The following RNF19A variants were observed in gnomAD, a reference collection of about 807,000 sequenced individuals.
The protein encoded by RNF19A is E3 ubiquitin-protein ligase RNF19A.
Under a neutral mutation model 75.7 loss-of-function variants are expected in RNF19A, and 32 were observed. That is an observed-to-expected ratio of 0.42 (90% CI 0.32 to 0.57). The LOEUF (loss-of-function observed/expected upper bound fraction) is 0.57, where lower values mean the gene tolerates loss of function less well. Ranked by LOEUF, RNF19A falls within the 20% of genes least tolerant of loss-of-function variation. The probability of loss-of-function intolerance (pLI) is 0.10; values close to 1 mark genes in which losing one functional copy is unlikely to be tolerated. For missense variants in RNF19A, 782 were observed against 1,036.3 expected (o/e 0.75, Z 3.37); for synonymous variants, 335 against 345.2 (o/e 0.97, Z 0.33).
At chr8:100,314,204 A>C (rs1044444660), upstream of RNF19A, among the ~76,000 whole-genome samples, 14 of 152,024 alleles carry the variant, frequency 9.2e-5, no homozygotes, top group African/African-American at 3.4e-4. This position sits in a 1 kb window ranked among gnomAD's most constrained non-coding sequence, Gnocchi z 4.1. Flanking sequence ...TATTGCATAC[A>C]TACTATATAT....
chr8:100,267,157 C>G (rs994257354), intron 5 of RNF19A, among the ~76,000 whole-genome samples: 1 of 152,164 alleles, frequency 6.6e-6, no homozygotes, highest in Non-Finnish European at 1.5e-5. Flanking sequence ...TCCCAAATAG[C>G]TACTGAAACT....
chr8:100,292,919 G>A (rs1028646588), intron 1 of RNF19A, among the ~76,000 whole-genome samples: 4 of 152,010 alleles, frequency 2.6e-5, no homozygotes, highest in Non-Finnish European at 5.9e-5. Flanking sequence ...CTTGTGCAGC[G>A]GTGCCCAAAC....
At chr8:100,262,593 A>G (rs996104164) in intron 7 of RNF19A, among the ~76,000 whole-genome samples, 2 of 152,168 alleles carry the variant, frequency 1.3e-5, no homozygotes, top group African/African-American at 4.8e-5. Flanking sequence ...CTTTTGGGCT[A>G]TGATAAGGAC....
At chr8:100,274,883 A>T in intron 3 of RNF19A, 70 bp downstream of exon 3, 1 of 1,264,880 alleles carries the variant, frequency 7.9e-7, no homozygotes, top group Non-Finnish European at 1.1e-6. Flanking sequence ...AGGAATACTT[A>T]ACTTTAAAAA....
chr8:100,304,663 T>C (rs908492521), intron 1 of RNF19A, among the ~76,000 whole-genome samples: 1 of 152,244 alleles, frequency 6.6e-6, no homozygotes, highest in Non-Finnish European at 1.5e-5. Flanking sequence ...GTTTAAAATC[T>C]GGTGCTCAAA....
rs185979011 is a variant in RNF19A, at chr8:100,277,907, T to C, written c.675-2746A>G. 5.3e-5 allele frequency among the ~76,000 whole-genome samples: 8 copies of C among 152,308 alleles called. No homozygotes were observed. The East Asian group carries it at 1.4e-3, about 26-fold the overall frequency. On this transcript the variant is annotated intron_variant, in intron 2 of 9. Coordinates refer to ENST00000341084, the MANE Select transcript of RNF19A (RefSeq NM_183419.4). Reference sequence around the variant, plus strand: ...CCAAACTTTTTCTCTACCTACCTTTTATTGAAGGAAGGAAGAAGGAAAGAG... The same window carrying C: ...CCAAACTTTTTCTCTACCTACCTTTCATTGAAGGAAGGAAGAAGGAAAGAG...
rs549069225 is a variant in RNF19A at position 100,326,280 on chromosome 8, A to T, written c.-243+9828T>A. ...AAAAATGCTGATTCAATTCTCTTTA[A>T]ATGCATACCACCTAACCTCAGTTTA... On this transcript the variant is annotated intron_variant, in intron 1 of 3. Coordinates refer to the RNF19A transcript ENST00000519527. 2.0e-5 allele frequency among the ~76,000 whole-genome samples: 3 copies of T among 152,100 alleles called. No homozygotes were observed. In the South Asian group the frequency reaches 6.2e-4, roughly 32 times the overall value.
intron 7 of RNF19A, among the ~76,000 whole-genome samples, chr8:100,263,686 T>TG (rs1289787272): frequency 6.6e-6 from 1 of 152,234 alleles, no homozygotes; most frequent in African/African-American, 2.4e-5. Flanking sequence ...AACATTGAGT[T>TG]GAAGATATTT....
chr8:100,315,779 G>A (rs1487305253), intron 1 of RNF19A, among the ~76,000 whole-genome samples: 1 of 152,176 alleles, frequency 6.6e-6, no homozygotes, highest in Non-Finnish European at 1.5e-5. Flanking sequence ...GAGTAGCTGG[G>A]ACTACAGGTG....
chr8:100,318,200 A>G (rs1053607127), intron 1 of RNF19A, among the ~76,000 whole-genome samples: 1 of 152,202 alleles, frequency 6.6e-6, no homozygotes, highest in East Asian at 1.9e-4. Context: ...TCCCTTGTTT[A>G]TTATCCCCAT....
rs547631774 is a variant in RNF19A, at chr8:100,274,995, G to A, written c.841C>T (p.Arg281Cys). The change falls in exon 3 of 10, where the codon CGT (arginine) becomes TGT (cysteine). Residue 281 changes from arginine (R) to cysteine (C), a missense_variant. Physicochemically the swap from Arg to Cys is radical, Grantham distance 180 (BLOSUM62 -3). Around this residue, in one of 7 missense-constraint regions of RNF19A, gnomAD observed 34 missense variants for 25.2 expected, o/e 1.35. Transcript: ENST00000341084. ...RAQSLRLRTI[R>C]SSSISYSQES... ...TGACTATAACTAATGGATGAAGAACGTATAGTTCTCAAACGTAAGCTCTGG... is the reference window on the plus strand; with the variant it reads ...TGACTATAACTAATGGATGAAGAACATATAGTTCTCAAACGTAAGCTCTGG... 6 of 1,614,060 alleles carry A rather than the reference G, an allele frequency of 3.7e-6. No homozygotes were observed. The highest frequency in any genetic ancestry group is 1.7e-5 in the Admixed American group (1 of 60,012).
chr8:100,300,980 G>A (rs146916635), intron 1 of RNF19A, among the ~76,000 whole-genome samples: 10 of 152,170 alleles, frequency 6.6e-5, no homozygotes, highest in Non-Finnish European at 1.3e-4. Flanking sequence ...ACTTTATGTG[G>A]CTGTGAAACC....
Position 100,332,153 on chromosome 8 carries a change from T to C in RNF19A, c.-243+3955A>G, listed in dbSNP as rs1220105326. Among the ~76,000 whole-genome samples the C allele has an allele frequency of 2.0e-5, 3 of 152,246 alleles. No homozygotes were observed. Among genetic ancestry groups the C allele is most frequent in the Non-Finnish European group, 4.4e-5 (3 of 68,044 alleles). ...AGTGGAATTGCTGGTTTAAAGGATATGTCCACTTTCCATACTGATATCTGA... is the reference window on the plus strand; with the variant it reads ...AGTGGAATTGCTGGTTTAAAGGATACGTCCACTTTCCATACTGATATCTGA... On this transcript the variant is annotated intron_variant, in intron 1 of 3. Coordinates refer to the RNF19A transcript ENST00000519527. The surrounding 1 kb of genome is among the most constrained non-coding windows in gnomAD (Gnocchi z 4.8).
chr8:100,261,449 T>C lies in RNF19A; in HGVS notation c.1682+93A>G. On this transcript the variant is annotated intron_variant, in intron 8 of 9. Coordinates refer to ENST00000341084, the MANE Select transcript of RNF19A (RefSeq NM_183419.4). The surrounding 1 kb of genome is among the most constrained non-coding windows in gnomAD (Gnocchi z 4.4). ...TTTGAACCTTGACATAGTAGGGTTA[T>C]ATATAATCATCATGCTTTATGTTCA... 2 of 1,103,128 alleles carry C rather than the reference T, an allele frequency of 1.8e-6. No individual in the cohort carries two copies. Among genetic ancestry groups the C allele is most frequent in the Non-Finnish European group, 2.7e-6 (2 of 733,820 alleles). The allele number at this position is 1,103,128 out of a possible 1,614,324, so 68.3% of individuals were successfully genotyped here. A position where few individuals can be genotyped will look rare whatever the true frequency, so the allele number is the denominator to read the frequency against.
intron 1 of RNF19A, among the ~76,000 whole-genome samples, chr8:100,315,715 A>G (rs936979539): frequency 2.0e-5 from 3 of 152,136 alleles, no homozygotes; most frequent in Admixed American, 2.0e-4. Flanking sequence ...GCAGTGGTGC[A>G]GTGCGATCAC....
rs756856000 is a variant in RNF19A at position 100,259,271 on chromosome 8, A to C, written c.1827-25T>G. 1.3e-5 allele frequency: 20 copies of C among 1,563,358 alleles called. No homozygotes were observed. The highest frequency in any genetic ancestry group is 1.7e-5 in the Non-Finnish European group (19 of 1,150,540). Reference sequence around the variant, plus strand: ...TCTGAAATATAAGAGTAACAAATACAAACATAATTGCTGACTTCTTTTTGT... The same window carrying C: ...TCTGAAATATAAGAGTAACAAATACCAACATAATTGCTGACTTCTTTTTGT... On this transcript the variant is annotated intron_variant, in intron 9 of 9. Coordinates refer to ENST00000341084, the MANE Select transcript of RNF19A (RefSeq NM_183419.4). The surrounding 1 kb of genome is among the most constrained non-coding windows in gnomAD (Gnocchi z 4.5).
chr8:100,292,796 C>CATTT (rs763371111), intron 1 of RNF19A, among the ~76,000 whole-genome samples: 7 of 152,216 alleles, frequency 4.6e-5, no homozygotes, highest in South Asian at 2.1e-4. Flanking sequence ...ATTTTTGAGA[C>CATTT]ATTTATTTAT....
At chr8:100,273,709 AGC>A (rs1820366503) in intron 3 of RNF19A, among the ~76,000 whole-genome samples, 1 of 152,324 alleles carries the variant, frequency 6.6e-6, no homozygotes, top group South Asian at 2.1e-4. Context: ...ATATAGCAAA[AGC>A]ACTTACTATG....
intron 7 of RNF19A, among the ~76,000 whole-genome samples, chr8:100,263,714 C>T (rs141308201): frequency 1.1e-3 from 174 of 152,120 alleles, no homozygotes; most frequent in African/African-American, 3.6e-3. Context: ...ATTGGTCATC[C>T]GTATTTCTTT....
Sources: gnomAD v4.1 joint callset for allele counts (sites outside exome capture counted in the v4.1 genomes callset) on GRCh38, gnomAD v4.1.1 for gene constraint, gnomAD v4.1.1 regional missense constraint, Gnocchi (gnomAD v3.1) non-coding constraint, MANE v1.5 for transcripts, NCBI Gene and HGNC (gene_info 2026-07-23, HGNC 2026-07-21) for gene names.